The following CACNA2D4 variants were observed in gnomAD, a reference collection of about 807,000 sequenced individuals.
The protein encoded by CACNA2D4 is calcium voltage-gated channel auxiliary subunit alpha2delta 4, also known as voltage-dependent calcium channel subunit alpha-2/delta-4.
Under a neutral mutation model 163.8 loss-of-function variants are expected in CACNA2D4, and 157 were observed. That is an observed-to-expected ratio of 0.96 (90% CI 0.84 to 1.09). The LOEUF (loss-of-function observed/expected upper bound fraction) is 1.09, where lower values mean the gene tolerates loss of function less well. Ranked by LOEUF, CACNA2D4 falls within the 50% of genes least tolerant of loss-of-function variation. The probability of loss-of-function intolerance (pLI) is 0.00; values close to 1 mark genes in which losing one functional copy is unlikely to be tolerated. For synonymous variants in CACNA2D4, 598 were observed against 586.9 expected, an observed-to-expected ratio of 1.02 and a Z score of -0.27; for missense variants, 1,410 against 1,479.9, an observed-to-expected ratio of 0.95 and a Z score of 0.78.
In CACNA2D4 at chr12:1,913,015, T is replaced by C. The variant is rs746952421; in HGVS notation, c.426+8A>G. ...AGAAACGCCCTGCAGATCACAGGCC[T>C]GGAGTACCTGGACCGCCTCGACTTT... On this transcript the variant is annotated splice_region_variant and intron_variant, in intron 3 of 37. Coordinates refer to ENST00000382722, the MANE Select transcript of CACNA2D4 (RefSeq NM_172364.5). The C allele has an allele frequency of 6.3e-7, 1 of 1,587,014 alleles. No individual in the cohort carries two copies.
chr12:1,884,135 C>T lies in CACNA2D4; in HGVS notation c.1351+108G>A, dbSNP rs529855697. ...TGCTGTTCTTGACATAGCACTGCTC[C>T]TCTTAGGGGCCCATGGGGAAGCCCG... On this transcript the variant is annotated intron_variant, in intron 12 of 37. Transcript: ENST00000382722. 8.7e-5 allele frequency: 78 copies of T among 898,880 alleles called. No homozygotes were observed. In the Admixed American group the frequency reaches 1.6e-3, roughly 19 times the overall value. The allele number at this position is 898,880 out of a possible 1,614,324, so 55.7% of individuals were successfully genotyped here.
At chr12:1,863,197 A>G (rs528533202) in intron 18 of CACNA2D4, among the ~76,000 whole-genome samples, 1 of 152,338 alleles carries the variant, frequency 6.6e-6, no homozygotes, top group East Asian at 1.9e-4. Context: ...CCTTGCTCCA[A>G]TGACACTCCA....
At position 1,811,739 on chromosome 12, in the gene CACNA2D4, A is replaced by G. The variant is rs1224687289; in HGVS notation, c.2552-16T>C. 12 of 1,557,704 alleles carry G rather than the reference A, an allele frequency of 7.7e-6. No individual in the cohort carries two copies. The highest frequency in any genetic ancestry group is 1.0e-5 in the Non-Finnish European group (12 of 1,150,198). On this transcript the variant is annotated splice_polypyrimidine_tract_variant and intron_variant, in intron 26 of 37. Coordinates refer to ENST00000382722, the MANE Select transcript of CACNA2D4 (RefSeq NM_172364.5). ...ACGCCCGCGGCTACAGGGCAGAAAG[A>G]GAGAGGGCAAGGCCAGGGAAGAGAC...
intron 18 of CACNA2D4, among the ~76,000 whole-genome samples, chr12:1,868,677 C>G (rs1865706559): frequency 6.6e-6 from 1 of 151,940 alleles, no homozygotes; most frequent in Non-Finnish European, 1.5e-5. Context: ...GATGGGTATG[C>G]TAATTTGCTT....
intron 18 of CACNA2D4, among the ~76,000 whole-genome samples, chr12:1,871,314 G>T (rs1865771994): frequency 6.6e-6 from 1 of 151,710 alleles, no homozygotes; most frequent in Admixed American, 6.6e-5. Context: ...GTGTATACGT[G>T]TGTGCTGCTA....
At chr12:1,804,596 G>C (rs376101476) in intron 29 of CACNA2D4, among the ~76,000 whole-genome samples, 4 of 152,386 alleles carry the variant, frequency 2.6e-5, no homozygotes, top group South Asian at 4.1e-4. Context: ...TAGTTAGGCA[G>C]CCTGACTTTA....
Position 1,792,253 on chromosome 12 carries a change from G to C in CACNA2D4, c.*1402C>G, listed in dbSNP as rs540105819. 6.6e-6 allele frequency: 1 copy of C among 152,332 alleles called. No individual in the cohort carries two copies. Among genetic ancestry groups the C allele is most frequent in the African/African-American group, 2.4e-5 (1 of 41,572 alleles). 9.4% of individuals were successfully genotyped at this position (152,332 alleles called of 1,614,324 possible). On this transcript the variant is annotated 3_prime_UTR_variant, in exon 38 of 38. Transcript: ENST00000382722. ...GAGCTGCAGTGTCTTCTGCTGTAAG[G>C]GGGCATTAATACTGCCCTCACAGGG...
Position 1,878,479 on chromosome 12 carries a change from C to T in CACNA2D4, c.1645-90G>A. On this transcript the variant is annotated intron_variant, in intron 15 of 37. Coordinates refer to ENST00000382722, the MANE Select transcript of CACNA2D4 (RefSeq NM_172364.5). This position sits in a 1 kb window ranked among gnomAD's most constrained non-coding sequence, Gnocchi z 4.6. Reference sequence around the variant, plus strand: ...AGGGGTTTGGGGGCCACAGGACGGTCAAAGATGGCAGCTCACAGCAGTGAG... The same window carrying T: ...AGGGGTTTGGGGGCCACAGGACGGTTAAAGATGGCAGCTCACAGCAGTGAG... 2 of 1,549,156 alleles carry T rather than the reference C, an allele frequency of 1.3e-6. No homozygotes were observed. Among genetic ancestry groups the T allele is most frequent in the Non-Finnish European group, 1.7e-6 (2 of 1,147,032 alleles).
At position 1,799,309 on chromosome 12, in the gene CACNA2D4, C is replaced by T. The variant is rs993767795; in HGVS notation, c.2995+366G>A. Among the ~76,000 whole-genome samples, 19 of 152,270 alleles carry T rather than the reference C, an allele frequency of 1.2e-4. No homozygotes were observed. Among genetic ancestry groups the T allele is most frequent in the Admixed American group, 3.3e-4 (5 of 15,304 alleles). ...AGAGCTTCCTGGGGCCCCTGGAACC[C>T]GGAGTCCCGCTGAGGGCTGGGGTGC... On this transcript the variant is annotated intron_variant, in intron 34 of 37. Coordinates refer to ENST00000382722, the MANE Select transcript of CACNA2D4 (RefSeq NM_172364.5). This position sits in a 1 kb window ranked among gnomAD's most constrained non-coding sequence, Gnocchi z 4.7.
At chr12:1,818,008 T>C (rs1329981411) in intron 26 of CACNA2D4, among the ~76,000 whole-genome samples, 10 of 150,342 alleles carry the variant, frequency 6.7e-5, no homozygotes, top group African/African-American at 2.5e-4. Flanking sequence ...GGAGCGCCTC[T>C]GCCCGGCCGC....
chr12:1,811,797 G>C, intron 26 of CACNA2D4, 74 bp from the exon 27 acceptor site: 2 of 1,431,180 alleles, frequency 1.4e-6, no homozygotes, highest in Non-Finnish European at 1.9e-6. Flanking sequence ...AAGTTAAAGA[G>C]AGGAGGTGCT....
Position 1,887,186 on chromosome 12 carries a change from G to A in CACNA2D4, c.782-117C>T, listed in dbSNP as rs1866169800. On this transcript the variant is annotated intron_variant, in intron 6 of 37. Coordinates refer to ENST00000382722, the MANE Select transcript of CACNA2D4 (RefSeq NM_172364.5). ...CCAGGGCAGAACAGCTTTGGAGCTA[G>A]GGAACAGGGTGGGGAACACTGGGAC... 3 of 709,200 alleles carry A rather than the reference G, an allele frequency of 4.2e-6. No homozygotes were observed. The South Asian group carries it at 4.7e-5, about 11-fold the overall frequency. 43.9% of individuals were successfully genotyped at this position (709,200 alleles called of 1,614,324 possible).
Position 1,800,000 on chromosome 12 carries a change from C to G in CACNA2D4, c.2974G>C (p.Ala992Pro). ...WGSWYDRGAEAKSVFHHSHKH... is the reference protein window; with the variant it reads ...WGSWYDRGAEPKSVFHHSHKH... ...TGGCCCTGCAGCTCCGTGCACTCAC[C>G]CTCGGCCCCTCTGTCGTACCAGGAG... Residue 992 changes from alanine to proline, a missense_variant and splice_region_variant, in exon 33 of 38, where the codon GCC (alanine) becomes CCC (proline). Physicochemically the swap from Ala to Pro is conservative, Grantham distance 27. Coordinates refer to ENST00000382722, the MANE Select transcript of CACNA2D4 (RefSeq NM_172364.5). This position sits in a 1 kb window ranked among gnomAD's most constrained non-coding sequence, Gnocchi z 4.7. 1 of 1,603,126 alleles carries G rather than the reference C, an allele frequency of 6.2e-7. No homozygotes were observed. Among genetic ancestry groups the G allele is most frequent in the South Asian group, 1.1e-5 (1 of 88,790 alleles).
At position 1,883,473 on chromosome 12, in the gene CACNA2D4, T is replaced by C. The variant is rs565805790; in HGVS notation, c.1352-473A>G. ...TCTTGCTCAGGTTGTGGGGTGGGTGTTACAGCCTATTCCCTGGAACCATGG... is the reference window on the plus strand; with the variant it reads ...TCTTGCTCAGGTTGTGGGGTGGGTGCTACAGCCTATTCCCTGGAACCATGG... On this transcript the variant is annotated intron_variant, in intron 12 of 37. Transcript: ENST00000382722. The surrounding 1 kb of genome is among the most constrained non-coding windows in gnomAD (Gnocchi z 4.5). 9.9e-5 allele frequency among the ~76,000 whole-genome samples: 15 copies of C among 152,238 alleles called. No individual in the cohort carries two copies. Among genetic ancestry groups the C allele is most frequent in the African/African-American group, 3.6e-4 (15 of 41,534 alleles).
At chr12:1,915,544 C>T (rs1451203999) in intron 1 of CACNA2D4, among the ~76,000 whole-genome samples, 2 of 152,224 alleles carry the variant, frequency 1.3e-5, no homozygotes, top group African/African-American at 2.4e-5. Flanking sequence ...CTGGGGGCTG[C>T]CGAACCCTCT....
intron 25 of CACNA2D4, among the ~76,000 whole-genome samples, chr12:1,842,560 C>A (rs1251811892): frequency 3.3e-5 from 5 of 152,238 alleles, no homozygotes; most frequent in Non-Finnish European, 5.9e-5. Context: ...TCACCAGGCC[C>A]CCTTTTTGGG....
At chr12:1,891,624 A>G (rs1025381671) in intron 6 of CACNA2D4, among the ~76,000 whole-genome samples, 17 of 152,172 alleles carry the variant, frequency 1.1e-4, no homozygotes, top group African/African-American at 4.1e-4. Flanking sequence ...TGAATTTAAG[A>G]TAATATTAAA....
At chr12:1,813,233 G>C (rs1366369596) in intron 26 of CACNA2D4, among the ~76,000 whole-genome samples, 1 of 152,216 alleles carries the variant, frequency 6.6e-6, no homozygotes. Context: ...ACTTCAGCGT[G>C]CATCAGAATC....
Position 1,883,242 on chromosome 12 carries a change from A to G in CACNA2D4, c.1352-242T>C, listed in dbSNP as rs772323586. ...AGATCTCTGAGGGGCTGTCCCACCC[A>G]GAGCTCCGGAAGGAGCAGCAGGGCC... On this transcript the variant is annotated intron_variant, in intron 12 of 37. Transcript: ENST00000382722. The surrounding 1 kb of genome is among the most constrained non-coding windows in gnomAD (Gnocchi z 4.5). 3.9e-5 allele frequency among the ~76,000 whole-genome samples: 6 copies of G among 152,174 alleles called. No individual in the cohort carries two copies. The highest frequency in any genetic ancestry group is 7.2e-5 in the African/African-American group (3 of 41,430).
Sources: allele counts gnomAD v4.1 joint callset (sites outside exome capture counted in the v4.1 genomes callset), GRCh38; gene constraint gnomAD v4.1.1; non-coding constraint Gnocchi (gnomAD v3.1); transcripts MANE v1.5; gene names NCBI Gene and HGNC (gene_info 2026-07-23, HGNC 2026-07-21).